NF1: variants seen among roughly 807,000 people sequenced by gnomAD.
The protein encoded by NF1 is neurofibromin 1, also known as neurofibromin.
In NF1, 122 loss-of-function variants were observed where a neutral mutation model predicts 325.7. The observed-to-expected ratio is 0.37, with a 90% CI of 0.32 to 0.44. The LOEUF is 0.44. Among genes scored for constraint, NF1 ranks in the 20% least tolerant of loss-of-function variants. The probability of loss-of-function intolerance (pLI) is 1.00; values close to 1 mark genes in which losing one functional copy is unlikely to be tolerated. For synonymous variants in NF1, 1,091 were observed against 1,186.0 expected, an observed-to-expected ratio of 0.92 and a Z score of 1.65; for missense variants, 2,140 against 3,415.4, an observed-to-expected ratio of 0.63 and a Z score of 9.31.
At chr17:31,173,457 G>A (rs1427131151) in intron 5 of NF1, among the ~76,000 whole-genome samples, 1 of 151,962 alleles carries the variant, frequency 6.6e-6, no homozygotes, top group African/African-American at 2.4e-5. Flanking sequence ...TTAGCCGGGT[G>A]TGGTGGCACG....
At position 31,162,553 on chromosome 17, in the gene NF1, AT is replaced by A. The variant is rs2065781194; in HGVS notation, c.289-631del. Among the ~76,000 whole-genome samples, 4 of 152,336 alleles carry A rather than the reference AT, an allele frequency of 2.6e-5. 1 individual carries two copies. The highest frequency in any genetic ancestry group is 9.6e-5 in the African/African-American group (4 of 41,578). On this transcript the variant is annotated intron_variant, in intron 3 of 57. Coordinates refer to ENST00000358273, the MANE Select transcript of NF1 (RefSeq NM_001042492.3). ...TTTTGGGGGCAGTGGTGAAATTTGA[AT>A]TCAGACTTGGTATTAGATGATACAA... is the stretch of plus-strand genomic sequence containing the variant.
chr17:31,343,956 TAAA>T (rs35923147), intron 48 of NF1, among the ~76,000 whole-genome samples: 7 of 126,380 alleles, frequency 5.5e-5, no homozygotes, highest in Non-Finnish European at 5.1e-5. Context: ...ACCCTGCCTT[TAAA>T]AAAAAAAAAA....
chr17:31,325,492 T>C (rs2069317802), intron 36 of NF1, among the ~76,000 whole-genome samples: 1 of 152,236 alleles, frequency 6.6e-6, no homozygotes. Flanking sequence ...AGATGGGTCA[T>C]TCCTACCAGA....
chr17:31,314,630 A>G (rs2068974180), intron 36 of NF1, among the ~76,000 whole-genome samples: 1 of 152,240 alleles, frequency 6.6e-6, no homozygotes, highest in Non-Finnish European at 1.5e-5. Context: ...TGCAAATGAC[A>G]GGATCTCATT....
intron 31 of NF1, among the ~76,000 whole-genome samples, chr17:31,254,538 T>C (rs1220830536): frequency 1.3e-5 from 2 of 152,140 alleles, no homozygotes; most frequent in African/African-American, 4.8e-5. Context: ...GAGTTTAACA[T>C]AATGTACACC....
chr17:31,197,165 C>T (rs2066447974), intron 8 of NF1, among the ~76,000 whole-genome samples: 1 of 151,824 alleles, frequency 6.6e-6, no homozygotes. Flanking sequence ...CTGCCTCAGC[C>T]TCCCAAGTAT....
chr17:31,221,049 G>A (rs2066912554), intron 14 of NF1, among the ~76,000 whole-genome samples: 1 of 152,066 alleles, frequency 6.6e-6, no homozygotes, highest in Non-Finnish European at 1.5e-5. Flanking sequence ...TGTTGACCAA[G>A]GACTGAAAGA....
intron 1 of NF1, among the ~76,000 whole-genome samples, chr17:31,155,641 G>A (rs1315083396): frequency 1.1e-4 from 17 of 152,200 alleles, no homozygotes; most frequent in Admixed American, 1.1e-3. Flanking sequence ...CTCTGTTTCT[G>A]TGAGTCATCA....
intron 1 of NF1, among the ~76,000 whole-genome samples, chr17:31,115,278 A>T (rs535148617): frequency 1.3e-5 from 2 of 152,076 alleles, no homozygotes; most frequent in Non-Finnish European, 2.9e-5. Flanking sequence ...AAGAGTAGAG[A>T]CTGATCCAGT....
In NF1 at chr17:31,253,019, TTA is replaced by T; in HGVS notation, c.4173+21_4173+22del. On this transcript the variant is annotated intron_variant, in intron 31 of 57. Transcript: ENST00000358273. ...AAAATCAGTAAGTTTGGAGAACTTT[TTA>T]TTAGCTGTTTCTTTCAAAGCAAAAC... is the stretch of plus-strand genomic sequence containing the variant. 1 of 1,590,550 alleles carries T rather than the reference TTA, an allele frequency of 6.3e-7. No homozygotes were observed. Among genetic ancestry groups the T allele is most frequent in the South Asian group, 1.1e-5 (1 of 90,390 alleles).
intron 1 of NF1, among the ~76,000 whole-genome samples, chr17:31,131,200 A>G (rs1359000107): frequency 6.6e-6 from 1 of 152,204 alleles, no homozygotes; most frequent in East Asian, 1.9e-4. Flanking sequence ...CTCCAGCACC[A>G]AAACCTCTGA....
At chr17:31,285,296 A>AG (rs2068204926) in intron 36 of NF1, among the ~76,000 whole-genome samples, 1 of 150,756 alleles carries the variant, frequency 6.6e-6, no homozygotes, top group Non-Finnish European at 1.5e-5. Context: ...AAAAAAAAAA[A>AG]GGAAAAATTC....
At chr17:31,350,797 A>G (rs2070121754) in intron 50 of NF1, among the ~76,000 whole-genome samples, 2 of 152,158 alleles carry the variant, frequency 1.3e-5, no homozygotes, top group East Asian at 3.8e-4. Flanking sequence ...TCTGCTATAC[A>G]TGGGTTTGGG....
chr17:31,149,425 A>G lies in NF1; in HGVS notation c.61-6558A>G, dbSNP rs186059376. On this transcript the variant is annotated intron_variant, in intron 1 of 57. Transcript: ENST00000358273. ...GCAATTATCATGCCTCAGCCTCCCAAGTAGCTGGGATTATAGGCACGCGCC... is the reference window on the plus strand; with the variant it reads ...GCAATTATCATGCCTCAGCCTCCCAGGTAGCTGGGATTATAGGCACGCGCC... 2.0e-4 allele frequency among the ~76,000 whole-genome samples: 30 copies of G among 152,142 alleles called. No homozygotes were observed. The East Asian group carries it at 5.0e-3, about 25-fold the overall frequency.
intron 57 of NF1, chr17:31,367,326 C>T (rs1245832858): frequency 8.4e-7 from 1 of 1,193,832 alleles, no homozygotes; most frequent in African/African-American, 1.6e-5. Context: ...GCTTACCCCA[C>T]ACTCATCCTG....
In NF1 at chr17:31,337,975, A is replaced by G. The variant is rs780989000; in HGVS notation, c.6705-50A>G. Reference sequence around the variant, plus strand: ...TCAATGTTATAATTTATTATTTAGTATATATAAACACAAAGGTTTTTATAA... The same window carrying G: ...TCAATGTTATAATTTATTATTTAGTGTATATAAACACAAAGGTTTTTATAA... On this transcript the variant is annotated intron_variant, in intron 44 of 57. Transcript: ENST00000358273. 9 of 1,538,908 alleles carry G rather than the reference A, an allele frequency of 5.8e-6. No homozygotes were observed. The Middle Eastern group carries it at 5.1e-4, about 87-fold the overall frequency.
chr17:31,282,988 TCTATTAC>T (rs2068151144), intron 36 of NF1, among the ~76,000 whole-genome samples: 1 of 152,240 alleles, frequency 6.6e-6, no homozygotes, highest in Non-Finnish European at 1.5e-5. Context: ...CATAGCCAAG[TCTATTAC>T]TGTTTAACAA....
chr17:31,363,442 T>C (rs1392368712), intron 57 of NF1, among the ~76,000 whole-genome samples: 5 of 148,494 alleles, frequency 3.4e-5, no homozygotes, highest in Non-Finnish European at 7.5e-5. Context: ...CTCTCTTTTT[T>C]TTTTTTTTTT....
chr17:31,288,369 T>C (rs917649752), intron 36 of NF1, among the ~76,000 whole-genome samples: 8 of 152,180 alleles, frequency 5.3e-5, no homozygotes, highest in Non-Finnish European at 8.8e-5. Flanking sequence ...AACACATTAT[T>C]AACACCTTAA....
Sources: allele counts gnomAD v4.1 joint callset (sites outside exome capture counted in the v4.1 genomes callset), GRCh38; gene constraint gnomAD v4.1.1; transcripts MANE v1.5; gene names NCBI Gene and HGNC (gene_info 2026-07-23, HGNC 2026-07-21).